CD84: variants seen among roughly 807,000 people sequenced by gnomAD.
The protein encoded by CD84 is SLAM family member 5.
In CD84, 22 loss-of-function variants were observed where a neutral mutation model predicts 33.8. The ratio of observed to expected loss-of-function variants is 0.65; its 90% confidence interval spans 0.46 to 0.93. The LOEUF (loss-of-function observed/expected upper bound fraction) is 0.93. Among genes scored for constraint, CD84 ranks in the 40% least tolerant of loss-of-function variants. The pLI is 0.00. For missense variants in CD84, 400 were observed against 397.6 expected (o/e 1.01, Z -0.05); for synonymous variants, 154 against 145.2 (o/e 1.06, Z -0.44).
At chr1:160,560,808 G>A (rs1571364383) in intron 2 of CD84, among the ~76,000 whole-genome samples, 1 of 152,034 alleles carries the variant, frequency 6.6e-6, no homozygotes, top group African/African-American at 2.4e-5. Flanking sequence ...AATGATAAAG[G>A]GGATATCATC....
intron 3 of CD84, 121 bp downstream of exon 3, chr1:160,553,762 GGTGATGCCCTCA>G (rs1054333192): frequency 1.4e-6 from 2 of 1,392,146 alleles, no homozygotes; most frequent in African/African-American, 2.9e-5. Context: ...CTTCTTGGGA[GGTGATGCCCTCA>G]GTGACCAGGC....
intron 4 of CD84, 62 bp from the exon 5 acceptor site, chr1:160,551,097 A>G: frequency 8.5e-7 from 1 of 1,170,194 alleles, no homozygotes. Flanking sequence ...GCAATGATCT[A>G]TTCCAATGTT....
chr1:160,552,778 C>A, intron 4 of CD84: 2 of 1,462,756 alleles, frequency 1.4e-6, no homozygotes, highest in Non-Finnish European at 1.9e-6. Flanking sequence ...AACATGGAAG[C>A]AGAAGTTCCA....
In CD84 at chr1:160,552,708, G is replaced by C. The variant is rs554051344; in HGVS notation, c.760+670C>G. 1.7e-5 allele frequency: 26 copies of C among 1,546,696 alleles called. No homozygotes were observed. Among genetic ancestry groups the C allele is most frequent in the Non-Finnish European group, 2.3e-5 (26 of 1,143,582 alleles). ...AACTTTGTGGCTGAGAACTTACAAG[G>C]GTTCTTAGTGAAGGTGTTCAAGCAG... On this transcript the variant is annotated intron_variant, in intron 4 of 6. Coordinates refer to ENST00000368054, the MANE Select transcript of CD84 (RefSeq NM_003874.4).
intron 2 of CD84, among the ~76,000 whole-genome samples, chr1:160,562,184 A>T (rs1341338868): frequency 6.6e-6 from 1 of 152,208 alleles, no homozygotes; most frequent in African/African-American, 2.4e-5. Context: ...AGCTATTCAC[A>T]TTAGACTACT....
intron 2 of CD84, among the ~76,000 whole-genome samples, chr1:160,559,824 T>C (rs574834380): frequency 6.6e-6 from 1 of 152,086 alleles, no homozygotes; most frequent in Non-Finnish European, 1.5e-5. Flanking sequence ...AAGCAGAAGT[T>C]ACAATCCTAG....
At chr1:160,550,906 C>G (rs1656168751) in intron 5 of CD84, 32 bp downstream of exon 5, 6 of 1,608,804 alleles carry the variant, frequency 3.7e-6, no homozygotes, top group African/African-American at 1.3e-5. Flanking sequence ...GAGATGGTGG[C>G]ACAGGGGTGT....
Position 160,553,366 on chromosome 1 carries a change from G to A in CD84, c.760+12C>T. On this transcript the variant is annotated intron_variant, in intron 4 of 6. Transcript: ENST00000368054. The stretch of plus-strand genomic sequence containing the variant: ...GTGAGTTTCCACATTTTACCTTCTG[G>A]GAAAATCCTACCTTGTCTTCTCTTG... 2 of 1,614,050 alleles carry A rather than the reference G, an allele frequency of 1.2e-6. No individual in the cohort carries two copies. Among genetic ancestry groups the A allele is most frequent in the Non-Finnish European group, 1.7e-6 (2 of 1,180,018 alleles).
At chr1:160,550,660 C>T (rs1022674702) in intron 5 of CD84, 3 of 985,276 alleles carry the variant, frequency 3.0e-6, no homozygotes, top group South Asian at 4.7e-5. Context: ...GGGCGCCTTG[C>T]TCCTAGTCAT....
intron 1 of CD84, among the ~76,000 whole-genome samples, chr1:160,577,001 T>C (rs1658026112): frequency 6.6e-6 from 1 of 152,118 alleles, no homozygotes; most frequent in South Asian, 2.1e-4. Flanking sequence ...ACTGGTGGAC[T>C]CCTTCATCTC....
At chr1:160,562,027 G>A (rs746229528) in intron 2 of CD84, among the ~76,000 whole-genome samples, 22 of 152,142 alleles carry the variant, frequency 1.4e-4, no homozygotes, top group Non-Finnish European at 2.4e-4. Context: ...CAAGGAAAGT[G>A]AAGGACCTCT....
chr1:160,547,552 A>G lies in CD84; in HGVS notation c.*704T>C, dbSNP rs941321931. On this transcript the variant is annotated 3_prime_UTR_variant, in exon 7 of 7. Coordinates refer to ENST00000368054, the MANE Select transcript of CD84 (RefSeq NM_003874.4). ...TGTGTCTACATGGCTGAGAGCCACA[A>G]CTCTGACAGAGACCCACACAGCACT... The G allele has an allele frequency of 1.1e-5, 2 of 187,712 alleles. No individual in the cohort carries two copies. The highest frequency in any genetic ancestry group is 1.1e-5 in the Non-Finnish European group (1 of 91,946). The allele number at this position is 187,712 out of a possible 1,614,324, so 11.6% of individuals were successfully genotyped here. A position where few individuals can be genotyped will look rare whatever the true frequency, so the allele number is the denominator to read the frequency against.
chr1:160,576,578 T>C (rs1291996807), intron 1 of CD84, among the ~76,000 whole-genome samples: 2 of 152,180 alleles, frequency 1.3e-5, no homozygotes, highest in Non-Finnish European at 1.5e-5. Context: ...TTTACTGACA[T>C]ATTCCCAAAC....
chr1:160,564,077 A>C (rs1173738030), intron 2 of CD84, among the ~76,000 whole-genome samples: 1 of 152,214 alleles, frequency 6.6e-6, no homozygotes, highest in East Asian at 1.9e-4. Flanking sequence ...TGATACTGCC[A>C]GTCTACAGAC....
rs116501452 is a variant in CD84, at chr1:160,569,961, A to G, written c.47-4216T>C. 2.2e-3 allele frequency among the ~76,000 whole-genome samples: 329 copies of G among 152,264 alleles called. 1 individual carries two copies. Among genetic ancestry groups the G allele is most frequent in the African/African-American group, 7.6e-3 (314 of 41,530 alleles). On this transcript the variant is annotated intron_variant, in intron 1 of 6. Coordinates refer to ENST00000368054, the MANE Select transcript of CD84 (RefSeq NM_003874.4). The stretch of plus-strand genomic sequence containing the variant: ...ATTAAGGTTTTTGCGAGTGAAGATT[A>G]AAATAATGTTTTAGTCATTGTAATG...
chr1:160,551,288 T>A (rs1165647622), intron 4 of CD84: 5 of 428,662 alleles, frequency 1.2e-5, no homozygotes, highest in Non-Finnish European at 1.7e-5. Context: ...CCCCAACCCC[T>A]CCCTGTGTGG....
Position 160,547,315 on chromosome 1 carries a change from G to C in CD84, c.*941C>G. The stretch of plus-strand genomic sequence containing the variant: ...TTGGATTATACCCAGTTCCCCAGAA[G>C]TGTGAGAAATATAAGCTGGTCAGTT... On this transcript the variant is annotated 3_prime_UTR_variant, in exon 7 of 7. Transcript: ENST00000368054. 2.5e-6 allele frequency: 1 copy of C among 396,994 alleles called. No individual in the cohort carries two copies. Among genetic ancestry groups the C allele is most frequent in the East Asian group, 3.6e-5 (1 of 28,052 alleles). 24.6% of individuals were successfully genotyped at this position (396,994 alleles called of 1,614,324 possible).
At chr1:160,570,887 A>G (rs1657651657) in intron 1 of CD84, 1 of 152,118 alleles carries the variant, frequency 6.6e-6, no homozygotes, top group Non-Finnish European at 1.5e-5. Flanking sequence ...AAATAAATAA[A>G]TACATAAAAA....
chr1:160,553,140 C>G (rs1265070875), intron 4 of CD84: 4 of 660,720 alleles, frequency 6.1e-6, no homozygotes, highest in Non-Finnish European at 1.1e-5. Context: ...GTACTAAGCT[C>G]GAACCCATGT....
Sources: allele counts gnomAD v4.1 joint callset (sites outside exome capture counted in the v4.1 genomes callset), GRCh38; gene constraint gnomAD v4.1.1; transcripts MANE v1.5; gene names NCBI Gene and HGNC (gene_info 2026-07-23, HGNC 2026-07-21).